The following FXR2 variants were observed in gnomAD, a reference collection of about 807,000 sequenced individuals.
The protein encoded by FXR2 is FMR1 autosomal homolog 2.
Under a neutral mutation model 87.3 loss-of-function variants are expected in FXR2, and 9 were observed. That is an observed-to-expected ratio of 0.10 (90% CI 0.06 to 0.18). The LOEUF is 0.18. Ranked by LOEUF, FXR2 falls within the 10% of genes least tolerant of loss-of-function variation. The probability of loss-of-function intolerance (pLI) is 1.00; values close to 1 mark genes in which losing one functional copy is unlikely to be tolerated. For synonymous variants in FXR2, 331 were observed against 328.3 expected (o/e 1.01, Z -0.09); for missense variants, 661 against 893.6 (o/e 0.74, Z 3.32).
intron 1 of FXR2, among the ~76,000 whole-genome samples, chr17:7,608,523 C>T (rs952990595): frequency 4.0e-5 from 6 of 150,424 alleles, no homozygotes; most frequent in African/African-American, 1.5e-4. Context: ...GTGGCTGAGG[C>T]ATGAAAATCA....
In FXR2 at chr17:7,593,811, TG is replaced by T; in HGVS notation, c.1107+106del. 1 of 862,646 alleles carries T rather than the reference TG, an allele frequency of 1.2e-6. No individual in the cohort carries two copies. The allele number at this position is 862,646 out of a possible 1,614,324, so 53.4% of individuals were successfully genotyped here. A position where few individuals can be genotyped will look rare whatever the true frequency, so the allele number is the denominator to read the frequency against. ...GCCCCAAATTTCCACAGATGTTTTC[TG>T]TTCTACACGGAGAGACAAACAGAGA... On this transcript the variant is annotated intron_variant, in intron 11 of 16. Coordinates refer to ENST00000250113, the MANE Select transcript of FXR2 (RefSeq NM_004860.4). This position sits in a 1 kb window ranked among gnomAD's most constrained non-coding sequence, Gnocchi z 6.1.
intron 1 of FXR2, among the ~76,000 whole-genome samples, chr17:7,606,756 A>T (rs2071806341): frequency 6.6e-6 from 1 of 152,204 alleles, no homozygotes; most frequent in African/African-American, 2.4e-5. Flanking sequence ...CTAGAATGAC[A>T]CTGATAATTT....
intron 3 of FXR2, 74 bp from the exon 4 acceptor site, chr17:7,604,154 G>A: frequency 1.8e-6 from 2 of 1,104,482 alleles, no homozygotes; most frequent in Admixed American, 2.0e-5. Flanking sequence ...AGGAGGCCGG[G>A]CATGGTGGGG....
In FXR2 at chr17:7,614,671, G is replaced by C. The variant is rs2071929644; in HGVS notation, c.-139C>G. ...GGGGCGGGAGCCGGGCCGGCCCCAC[G>C]GCGGCCCTGCCACAGCCAACGAGCA... On this transcript the variant is annotated 5_prime_UTR_variant, in exon 1 of 17. Coordinates refer to ENST00000250113, the MANE Select transcript of FXR2 (RefSeq NM_004860.4). 2.6e-6 allele frequency: 1 copy of C among 386,250 alleles called. No homozygotes were observed. The highest frequency in any genetic ancestry group is 4.3e-6 in the Non-Finnish European group (1 of 230,088). 23.9% of individuals were successfully genotyped at this position (386,250 alleles called of 1,614,324 possible). A position where few individuals can be genotyped will look rare whatever the true frequency, so the allele number is the denominator to read the frequency against.
chr17:7,605,590 G>T (rs2150945853), intron 3 of FXR2, 55 bp downstream of exon 3: 1 of 911,044 alleles, frequency 1.1e-6, no homozygotes, highest in East Asian at 2.6e-5. Flanking sequence ...CCAGAGAAAA[G>T]CCTAGAATCC....
Position 7,594,515 on chromosome 17 carries a change from T to G in FXR2, c.910+164A>C. On this transcript the variant is annotated intron_variant, in intron 9 of 16. Coordinates refer to ENST00000250113, the MANE Select transcript of FXR2 (RefSeq NM_004860.4). This position sits in a 1 kb window ranked among gnomAD's most constrained non-coding sequence, Gnocchi z 5.1. ...TTACAGGACAAAATGTTACAATCCC[T>G]AGAAATTTATTCTTTCATTTTTATC... The G allele has an allele frequency of 1.5e-6, 1 of 675,580 alleles. No individual in the cohort carries two copies. Among genetic ancestry groups the G allele is most frequent in the South Asian group, 1.8e-5 (1 of 54,104 alleles). 41.8% of individuals were successfully genotyped at this position (675,580 alleles called of 1,614,324 possible). A position where few individuals can be genotyped will look rare whatever the true frequency, so the allele number is the denominator to read the frequency against.
chr17:7,596,100 A>G (rs2071705357), intron 7 of FXR2, 106 bp from the exon 8 acceptor site: 2 of 888,988 alleles, frequency 2.2e-6, no homozygotes, highest in African/African-American at 3.3e-5. Context: ...ATATTAATAG[A>G]AAGCTAGAAC....
intron 1 of FXR2, among the ~76,000 whole-genome samples, chr17:7,611,350 C>T (rs2071862932): frequency 6.6e-6 from 1 of 152,066 alleles, no homozygotes; most frequent in Admixed American, 6.5e-5. Context: ...TAACTTAGAT[C>T]CCAGATCTAA....
At chr17:7,597,483 C>CTT (rs56705018) in intron 7 of FXR2, among the ~76,000 whole-genome samples, 100 of 145,792 alleles carry the variant, frequency 6.9e-4, no homozygotes, top group Non-Finnish European at 1.1e-3. Context: ...GCTGGGTTTT[C>CTT]TTTTTTTTTT....
chr17:7,609,889 T>C (rs150993775), intron 1 of FXR2, among the ~76,000 whole-genome samples: 2 of 148,316 alleles, frequency 1.3e-5, no homozygotes, highest in African/African-American at 4.9e-5. Context: ...TACATATACA[T>C]ATATATACAC....
rs1203384447 is a variant in FXR2 at position 7,592,886 on chromosome 17, C to A, written c.1537G>T (p.Asp513Tyr). Residue 513 changes from aspartate (D) to tyrosine (Y), a missense_variant, in exon 14 of 17, where the codon GAT (aspartate) becomes TAT (tyrosine). By Grantham distance (160) the Asp-to-Tyr change is radical. Transcript: ENST00000250113. The surrounding 1 kb of genome is among the most constrained non-coding windows in gnomAD (Gnocchi z 4.8). ...AGGCTGTAGGGATTACTGTCTGGATCCTTCAGCACTGGTCAGAGGAAGAAG... is the reference window on the plus strand; with the variant it reads ...AGGCTGTAGGGATTACTGTCTGGATACTTCAGCACTGGTCAGAGGAAGAAG... ...NSSSISSVLK[D>Y]PDSNPYSLLD... 6.4e-7 allele frequency: 1 copy of A among 1,573,624 alleles called. No individual in the cohort carries two copies. The highest frequency in any genetic ancestry group is 8.6e-7 in the Non-Finnish European group (1 of 1,158,804).
chr17:7,614,138 C>A, intron 1 of FXR2: 1 of 597,008 alleles, frequency 1.7e-6, no homozygotes, highest in Admixed American at 2.1e-5. Context: ...ACAACGGACA[C>A]AGTCAATTAG....
At position 7,594,805 on chromosome 17, in the gene FXR2, G is replaced by A. The variant is rs1431068916; in HGVS notation, c.832-48C>T. 8.7e-7 allele frequency: 1 copy of A among 1,143,768 alleles called. No individual in the cohort carries two copies. Among genetic ancestry groups the A allele is most frequent in the South Asian group, 1.2e-5 (1 of 81,684 alleles). 70.9% of individuals were successfully genotyped at this position (1,143,768 alleles called of 1,614,324 possible). A position where few individuals can be genotyped will look rare whatever the true frequency, so the allele number is the denominator to read the frequency against. ...TTGTTACTAAAACAGAAGACCAGCTGGATGTGGTGGCTCACGCCTGTAATC... is the reference window on the plus strand; with the variant it reads ...TTGTTACTAAAACAGAAGACCAGCTAGATGTGGTGGCTCACGCCTGTAATC... On this transcript the variant is annotated intron_variant, in intron 8 of 16. Transcript: ENST00000250113. The surrounding 1 kb of genome is among the most constrained non-coding windows in gnomAD (Gnocchi z 5.1).
chr17:7,609,911 T>C (rs2071835936), intron 1 of FXR2, among the ~76,000 whole-genome samples: 1 of 136,642 alleles, frequency 7.3e-6, no homozygotes, highest in Admixed American at 7.9e-5. Flanking sequence ...TACATATATA[T>C]GTATATATAC....
chr17:7,593,569 A>G lies in FXR2; in HGVS notation c.1164T>C (p.Ile388=). The G allele has an allele frequency of 6.3e-7, 1 of 1,598,036 alleles. No homozygotes were observed. Among genetic ancestry groups the G allele is most frequent in the Non-Finnish European group, 8.5e-7 (1 of 1,173,634 alleles). The part of the protein sequence containing the change: ...RLQIDEQLRQ[I]GLGFRPPGSG... The stretch of plus-strand genomic sequence containing the variant: ...TCCCAGGAGGGCGAAAGCCCAGCCC[A>G]ATCTGCCGAAGCTGCTCATCAATTT... The change falls in exon 12 of 17, where the codon ATT becomes ATC. Residue 388 remains isoleucine (I), a synonymous_variant. Transcript: ENST00000250113. This position sits in a 1 kb window ranked among gnomAD's most constrained non-coding sequence, Gnocchi z 6.1.
rs1385392714 is a variant in FXR2 at position 7,591,991 on chromosome 17, C to G, written c.1927-66G>C. 8.4e-7 allele frequency: 1 copy of G among 1,186,008 alleles called. No homozygotes were observed. Among genetic ancestry groups the G allele is most frequent in the African/African-American group, 1.5e-5 (1 of 66,258 alleles). The allele number at this position is 1,186,008 out of a possible 1,614,324, so 73.5% of individuals were successfully genotyped here. On this transcript the variant is annotated intron_variant, in intron 16 of 16. Transcript: ENST00000250113. The surrounding 1 kb of genome is among the most constrained non-coding windows in gnomAD (Gnocchi z 4.0). ...GGTGAGTAGAAATTCAGGTGGGAGA[C>G]ATTCCCTACCATCCAAGCCCTCCTG... is the stretch of plus-strand genomic sequence containing the variant.
chr17:7,594,830 C>G lies in FXR2; in HGVS notation c.832-73G>C. The G allele has an allele frequency of 2.2e-6, 2 of 918,302 alleles. No homozygotes were observed. Among genetic ancestry groups the G allele is most frequent in the Admixed American group, 3.4e-5 (2 of 58,688 alleles). The allele number at this position is 918,302 out of a possible 1,614,324, so 56.9% of individuals were successfully genotyped here. On this transcript the variant is annotated intron_variant, in intron 8 of 16. Coordinates refer to ENST00000250113, the MANE Select transcript of FXR2 (RefSeq NM_004860.4). The surrounding 1 kb of genome is among the most constrained non-coding windows in gnomAD (Gnocchi z 5.1). Reference sequence around the variant, plus strand: ...GGATGTGGTGGCTCACGCCTGTAATCCCAGCACTTTGGGAGGCTGGAGGCA... The same window carrying G: ...GGATGTGGTGGCTCACGCCTGTAATGCCAGCACTTTGGGAGGCTGGAGGCA...
chr17:7,605,300 G>A (rs376543212), intron 3 of FXR2, among the ~76,000 whole-genome samples: 4 of 152,072 alleles, frequency 2.6e-5, no homozygotes, highest in South Asian at 4.2e-4. Flanking sequence ...CCCAAGAGGC[G>A]GAGGTTGCAG....
intron 1 of FXR2, chr17:7,614,197 G>C (rs1597885351): frequency 1.5e-6 from 1 of 675,554 alleles, no homozygotes; most frequent in Non-Finnish European, 2.7e-6. Flanking sequence ...GCCAAGCCAG[G>C]GACAATAATG....
Sources: allele counts gnomAD v4.1 joint callset (sites outside exome capture counted in the v4.1 genomes callset), GRCh38; gene constraint gnomAD v4.1.1; non-coding constraint Gnocchi (gnomAD v3.1); transcripts MANE v1.5; gene names NCBI Gene and HGNC (gene_info 2026-07-23, HGNC 2026-07-21).